The following MRAP2 variants were observed in gnomAD, a reference collection of about 807,000 sequenced individuals.
The protein encoded by MRAP2 is melanocortin-2 receptor accessory protein 2.
MRAP2 carries 20 observed loss-of-function variants against 17.4 expected under a neutral mutation model. The ratio of observed to expected loss-of-function variants is 1.15; its 90% CI spans 0.81 to 1.67. The LOEUF (loss-of-function observed/expected upper bound fraction) is 1.67. MRAP2 is among the 40% of genes most tolerant of loss of function. The pLI is 0.00. For synonymous variants in MRAP2, 96 were observed against 88.4 expected, an observed-to-expected ratio of 1.09 and a Z score of -0.48; for missense variants, 238 against 240.0, an observed-to-expected ratio of 0.99 and a Z score of 0.05.
chr6:84,055,984 A>C (rs1289411854), intron 2 of MRAP2, among the ~76,000 whole-genome samples: 2 of 152,192 alleles, frequency 1.3e-5, no homozygotes, highest in African/African-American at 2.4e-5. Flanking sequence ...TTAAGGGTCC[A>C]GCACAGAGCA....
At chr6:84,074,425 A>C (rs531137975) in intron 3 of MRAP2, among the ~76,000 whole-genome samples, 11 of 152,348 alleles carry the variant, frequency 7.2e-5, no homozygotes, top group Non-Finnish European at 1.3e-4. Context: ...AGCATGGTTA[A>C]GATACCTGAG....
chr6:84,126,379 T>A, the MRAP2 span: 1 of 1,582,756 alleles, frequency 6.3e-7, no homozygotes, highest in South Asian at 1.2e-5. Context: ...TTACTTTACC[T>A]GTTGAAGTTC....
the MRAP2 span, among the ~76,000 whole-genome samples, chr6:84,136,246 T>TA: frequency 1.3e-5 from 2 of 152,204 alleles, no homozygotes; most frequent in African/African-American, 4.8e-5. Context: ...GCACATGTCT[T>TA]AGTCTGTTTT....
intron 3 of MRAP2, 122 bp from the exon 4 acceptor site, chr6:84,088,969 G>C (rs1276696108): frequency 9.7e-6 from 10 of 1,033,876 alleles, no homozygotes; most frequent in Non-Finnish European, 5.5e-6. Flanking sequence ...GCCATGCAAG[G>C]GGCTTACACT....
At chr6:84,120,328 C>G in the MRAP2 span, among the ~76,000 whole-genome samples, 4 of 152,168 alleles carry the variant, frequency 2.6e-5, no homozygotes, top group Non-Finnish European at 5.9e-5. Flanking sequence ...CAGACATACC[C>G]AGAAAGAATG....
chr6:84,068,448 T>G (rs2099495315), intron 3 of MRAP2, among the ~76,000 whole-genome samples: 1 of 152,212 alleles, frequency 6.6e-6, no homozygotes, highest in Non-Finnish European at 1.5e-5. Context: ...TGATGGAGAT[T>G]GCATTGAATT....
rs1177900325 is a variant in MRAP2, at chr6:84,033,873, C to A, written c.-18C>A. The A allele has an allele frequency of 3.1e-6, 3 of 975,946 alleles. No individual in the cohort carries two copies. 60.5% of individuals were successfully genotyped at this position (975,946 alleles called of 1,614,324 possible). A position where few individuals can be genotyped will look rare whatever the true frequency, so the allele number is the denominator to read the frequency against. ...CCAGGGCCGAGCCCGCGGGCCGGGG[C>A]TAGCCAGCCGGTAACCACGGGCGGG... On this transcript the variant is annotated 5_prime_UTR_variant, in exon 1 of 4. Coordinates refer to ENST00000257776, the MANE Select transcript of MRAP2 (RefSeq NM_138409.4).
the MRAP2 span, among the ~76,000 whole-genome samples, chr6:84,134,874 T>A: frequency 6.6e-6 from 1 of 151,178 alleles, no homozygotes; most frequent in Admixed American, 6.6e-5. Flanking sequence ...AATGGTATAA[T>A]AGAAGTGCCA....
the MRAP2 span, among the ~76,000 whole-genome samples, chr6:84,144,989 A>G: frequency 1.3e-5 from 2 of 152,270 alleles, no homozygotes; most frequent in East Asian, 3.9e-4. Context: ...ACACAACTGG[A>G]AACATCAGTT....
chr6:84,054,462 G>T (rs1489969151), intron 1 of MRAP2, among the ~76,000 whole-genome samples: 3 of 152,196 alleles, frequency 2.0e-5, no homozygotes, highest in Non-Finnish European at 4.4e-5. Flanking sequence ...TCAGGAGTAA[G>T]CAGTTGGACA....
chr6:84,141,144 C>G, the MRAP2 span, among the ~76,000 whole-genome samples: 1 of 152,174 alleles, frequency 6.6e-6, no homozygotes, highest in Non-Finnish European at 1.5e-5. Flanking sequence ...TGGTTCCTAA[C>G]AGGCCATGAA....
chr6:84,143,949 C>T, the MRAP2 span, among the ~76,000 whole-genome samples: 1 of 151,996 alleles, frequency 6.6e-6, no homozygotes, highest in African/African-American at 2.4e-5. Flanking sequence ...TGAGTTTTCT[C>T]ACTATGCGAC....
intron 3 of MRAP2, among the ~76,000 whole-genome samples, chr6:84,084,783 C>G (rs2099499854): frequency 6.6e-6 from 1 of 151,956 alleles, no homozygotes; most frequent in Admixed American, 6.6e-5. Flanking sequence ...TTTGTGTGCA[C>G]CAGGAAAAGC....
intron 1 of MRAP2, among the ~76,000 whole-genome samples, chr6:84,051,393 C>T (rs2099490370): frequency 6.6e-6 from 1 of 152,148 alleles, no homozygotes; most frequent in South Asian, 2.1e-4. Flanking sequence ...CCTGTCTACA[C>T]CAAAAATACA....
chr6:84,059,474 A>G (rs562792143), intron 2 of MRAP2, among the ~76,000 whole-genome samples: 2 of 152,340 alleles, frequency 1.3e-5, no homozygotes, highest in East Asian at 3.9e-4. Context: ...CTTGTTTTTC[A>G]TATAACCACG....
At chr6:84,142,044 C>T in the MRAP2 span, among the ~76,000 whole-genome samples, 1 of 152,092 alleles carries the variant, frequency 6.6e-6, no homozygotes, top group Admixed American at 6.6e-5. Flanking sequence ...CTAAAACAAC[C>T]CCCACATACA....
At chr6:84,083,148 AAAAC>A (rs796786036) in intron 3 of MRAP2, among the ~76,000 whole-genome samples, 24 of 152,334 alleles carry the variant, frequency 1.6e-4, no homozygotes, top group African/African-American at 5.1e-4. Context: ...GACTGGCAAA[AAAAC>A]AAACAAACAA....
the MRAP2 span, among the ~76,000 whole-genome samples, chr6:84,137,511 A>ATATC: frequency 5.3e-5 from 8 of 152,144 alleles, no homozygotes; most frequent in African/African-American, 1.9e-4. Flanking sequence ...AATATTTTCT[A>ATATC]TATCTTTTAT....
At chr6:84,129,212 T>G in the MRAP2 span, among the ~76,000 whole-genome samples, 6 of 152,302 alleles carry the variant, frequency 3.9e-5, no homozygotes, top group African/African-American at 1.4e-4. Context: ...TACCCAGTAA[T>G]GGGATGGCTG....
Sources: allele counts gnomAD v4.1 joint callset (sites outside exome capture counted in the v4.1 genomes callset), GRCh38; gene constraint gnomAD v4.1.1; transcripts MANE v1.5; gene names NCBI Gene and HGNC (gene_info 2026-07-23, HGNC 2026-07-21).